TAAR5: variants seen among roughly 807,000 people sequenced by gnomAD.
TAAR5 encodes trace amine-associated receptor 5.
In TAAR5, 27 loss-of-function variants were observed where a neutral mutation model predicts 21.1. The ratio of observed to expected loss-of-function variants is 1.28; its 90% CI spans 0.94 to 1.76. TAAR5 has a LOEUF of 1.76. Among genes scored for constraint, TAAR5 ranks in the 40% most tolerant of loss-of-function variants. The pLI is 0.00. For missense variants in TAAR5, 495 were observed against 405.6 expected (o/e 1.22, Z -1.89); for synonymous variants, 203 against 167.5 (o/e 1.21, Z -1.64).
chr6:132,610,019 T>A, the TAAR5 span, among the ~76,000 whole-genome samples: 7 of 152,114 alleles, frequency 4.6e-5, no homozygotes, highest in African/African-American at 1.7e-4. Context: ...TCTCTGAGAT[T>A]CTAACTAGTG....
chr6:132,604,146 C>CTTTT, the TAAR5 span, among the ~76,000 whole-genome samples: 3 of 126,004 alleles, frequency 2.4e-5, no homozygotes, highest in Middle Eastern at 3.9e-3. Flanking sequence ...TTTTTCTTTT[C>CTTTT]TTTTTTTTTT....
chr6:132,611,216 G>A, the TAAR5 span, among the ~76,000 whole-genome samples: 682 of 142,886 alleles, frequency 4.8e-3, 8 homozygotes, highest in African/African-American at 0.013. Context: ...CTAAAAAAAA[G>A]AAAAAAAAAA....
chr6:132,612,117 C>T, the TAAR5 span, among the ~76,000 whole-genome samples: 8 of 151,976 alleles, frequency 5.3e-5, no homozygotes, highest in Admixed American at 4.6e-4. Flanking sequence ...AGCCTGGGCC[C>T]CATTTGAGCA....
chr6:132,608,626 C>A, the TAAR5 span: 1 of 455,876 alleles, frequency 2.2e-6, no homozygotes, highest in Non-Finnish European at 4.4e-6. Context: ...AAAGATTTTG[C>A]CATAAATACC....
At position 132,589,239 on chromosome 6, in the gene TAAR5, C is replaced by T. The variant is rs745407900; in HGVS notation, c.448G>A (p.Val150Met). 1 of 1,607,160 alleles carries T rather than the reference C, an allele frequency of 6.2e-7. No homozygotes were observed. Among genetic ancestry groups the T allele is most frequent in the Non-Finnish European group, 8.5e-7 (1 of 1,176,412 alleles). The change falls in exon 1 of 1, where the codon GTG becomes ATG. Residue 150 changes from valine to methionine, a missense_variant. Coordinates refer to ENST00000258034, the MANE Select transcript of TAAR5 (RefSeq NM_003967.3). ...CCTGCCAGGATGTACCTGAGAGCCA[C>T]CCTCACTGTGAACTTGGAGGGATAG... ...LLYPSKFTVR[V>M]ALRYILAGWG...
chr6:132,606,611 G>A, the TAAR5 span, among the ~76,000 whole-genome samples: 1 of 152,148 alleles, frequency 6.6e-6, no homozygotes, highest in African/African-American at 2.4e-5. Flanking sequence ...TGGTAAAAAT[G>A]AGAATATTTT....
chr6:132,608,881 A>G, the TAAR5 span: 1 of 455,904 alleles, frequency 2.2e-6, no homozygotes, highest in South Asian at 1.5e-5. Context: ...AGGGTAACAC[A>G]CGGCATAAAA....
At chr6:132,601,022 AAGGAG>A in the TAAR5 span, among the ~76,000 whole-genome samples, 1 of 101,140 alleles carries the variant, frequency 9.9e-6, no homozygotes, top group African/African-American at 5.8e-5. Context: ...GGAAGGGGGG[AAGGAG>A]GGAAGGAGGG....
the TAAR5 span, chr6:132,608,642 T>C: frequency 8.8e-6 from 4 of 455,864 alleles, 1 homozygote; most frequent in South Asian, 4.6e-5. Flanking sequence ...ATACCAACCA[T>C]GATGGAGCCA....
the TAAR5 span, among the ~76,000 whole-genome samples, chr6:132,615,020 C>T: frequency 8.5e-5 from 13 of 152,074 alleles, no homozygotes; most frequent in East Asian, 1.9e-4. Flanking sequence ...CACACCACCA[C>T]GCCCAGTTAA....
At chr6:132,598,010 G>T in the TAAR5 span, among the ~76,000 whole-genome samples, 1 of 151,988 alleles carries the variant, frequency 6.6e-6, no homozygotes, top group African/African-American at 2.4e-5. Flanking sequence ...ATAAGAAGAG[G>T]GAAATATAGC....
At chr6:132,603,318 A>G in the TAAR5 span, among the ~76,000 whole-genome samples, 4 of 151,528 alleles carry the variant, frequency 2.6e-5, no homozygotes, top group Non-Finnish European at 5.9e-5. Flanking sequence ...AAAAAAAAAA[A>G]AAAAGAAAGA....
chr6:132,611,945 C>T, the TAAR5 span, among the ~76,000 whole-genome samples: 9 of 152,224 alleles, frequency 5.9e-5, no homozygotes, highest in African/African-American at 9.6e-5. Context: ...TATTCATTTT[C>T]GAAGTCTCCT....
chr6:132,598,753 C>T, the TAAR5 span, among the ~76,000 whole-genome samples: 1 of 152,114 alleles, frequency 6.6e-6, no homozygotes, highest in African/African-American at 2.4e-5. Context: ...TGGGAGGGAG[C>T]TTCAGTTCTG....
the TAAR5 span, among the ~76,000 whole-genome samples, chr6:132,607,248 C>T: frequency 8.6e-5 from 13 of 152,030 alleles, no homozygotes; most frequent in East Asian, 2.5e-3. Flanking sequence ...GAAAAGGGAA[C>T]ATTCTACTCT....
the TAAR5 span, among the ~76,000 whole-genome samples, chr6:132,613,016 T>C: frequency 2.6e-5 from 4 of 152,192 alleles, no homozygotes; most frequent in Non-Finnish European, 5.9e-5. Context: ...TTCTATAAGA[T>C]GTTTCAACAT....
At chr6:132,608,432 C>T in the TAAR5 span, 141 of 455,854 alleles carry the variant, frequency 3.1e-4, no homozygotes, top group African/African-American at 2.7e-3. Context: ...GTGGAGTAGT[C>T]TAGGTATGGG....
At chr6:132,596,788 G>C in the TAAR5 span, among the ~76,000 whole-genome samples, 2 of 152,046 alleles carry the variant, frequency 1.3e-5, no homozygotes, top group African/African-American at 4.8e-5. Flanking sequence ...CTAGCAATCA[G>C]AATACACAGA....
chr6:132,606,908 G>T, the TAAR5 span, among the ~76,000 whole-genome samples: 1 of 152,152 alleles, frequency 6.6e-6, no homozygotes, highest in Non-Finnish European at 1.5e-5. Context: ...GGGAACATTT[G>T]GCTGGGTGCA....
Sources: allele counts gnomAD v4.1 joint callset (sites outside exome capture counted in the v4.1 genomes callset), GRCh38; gene constraint gnomAD v4.1.1; transcripts MANE v1.5; gene names NCBI Gene and HGNC (gene_info 2026-07-23, HGNC 2026-07-21).